The following KCTD18 variants were observed in gnomAD, a reference collection of about 807,000 sequenced individuals.
KCTD18 encodes the protein BTB/POZ domain-containing protein KCTD18.
Under a neutral mutation model 30.4 loss-of-function variants are expected in KCTD18, and 22 were observed. That is an observed-to-expected ratio of 0.72 (90% confidence interval 0.52 to 1.03). The LOEUF is 1.03. KCTD18 is among the 50% of genes least tolerant of loss of function. KCTD18 has a pLI of 0.00. For missense variants in KCTD18, 529 were observed against 547.6 expected (o/e 0.97, Z 0.34); for synonymous variants, 186 against 209.0 (o/e 0.89, Z 0.95).
chr2:200,507,784 G>A (rs865988633), intron 1 of KCTD18, among the ~76,000 whole-genome samples: 18 of 152,192 alleles, frequency 1.2e-4, no homozygotes, highest in Middle Eastern at 3.4e-3. Context: ...TCTTAAGTTA[G>A]GTAACTAAGG....
rs112320052 is a variant in KCTD18 at position 200,505,142 on chromosome 2, A to G, written c.161-183T>C. ...TAGACTTTTGGTTATTCAAACACCA[A>G]ATATGATATACCAGCAACCCTCTGC... On this transcript the variant is annotated intron_variant, in intron 2 of 6. Transcript: ENST00000359878. Among the ~76,000 whole-genome samples, 669 of 152,374 alleles carry G rather than the reference A, an allele frequency of 4.4e-3. 9 individuals carry two copies. The highest frequency in any genetic ancestry group is 0.015 in the African/African-American group (616 of 41,582).
At chr2:200,498,823 T>C in intron 4 of KCTD18, 68 bp downstream of exon 4, 1 of 1,397,696 alleles carries the variant, frequency 7.2e-7, no homozygotes, top group South Asian at 1.2e-5. Flanking sequence ...CACATTTCAT[T>C]CAGAAACACC....
intron 6 of KCTD18, among the ~76,000 whole-genome samples, chr2:200,492,848 GC>G (rs2087940283): frequency 6.6e-6 from 1 of 151,756 alleles, no homozygotes; most frequent in Non-Finnish European, 1.5e-5. Context: ...TTTTACTATT[GC>G]CAGTAAAGCC....
chr2:200,504,686 A>G, intron 3 of KCTD18, 62 bp downstream of exon 3: 1 of 1,163,832 alleles, frequency 8.6e-7, no homozygotes, highest in East Asian at 2.5e-5. Context: ...TATGCAAAAT[A>G]GTACATATTG....
At chr2:200,493,044 G>A in intron 6 of KCTD18, 128 bp downstream of exon 6, 2 of 611,482 alleles carry the variant, frequency 3.3e-6, no homozygotes, top group East Asian at 2.8e-5. Flanking sequence ...TGGTAAGACA[G>A]AATATTCAAA....
intron 3 of KCTD18, 68 bp from the exon 4 acceptor site, chr2:200,499,152 T>A (rs1165967779): frequency 3.6e-6 from 4 of 1,105,940 alleles, no homozygotes; most frequent in Non-Finnish European, 5.1e-6. Context: ...ATATGCTCCA[T>A]TACTTTCATG....
At chr2:200,490,978 A>G (rs2087907033) in intron 6 of KCTD18, among the ~76,000 whole-genome samples, 1 of 152,200 alleles carries the variant, frequency 6.6e-6, no homozygotes. Flanking sequence ...CTGCAGTTTA[A>G]AGAGATTTAG....
chr2:200,499,536 G>A (rs2088051790), intron 3 of KCTD18, among the ~76,000 whole-genome samples: 1 of 152,016 alleles, frequency 6.6e-6, no homozygotes, highest in Non-Finnish European at 1.5e-5. Flanking sequence ...TAGAAGAAAT[G>A]GATAAATTCC....
In KCTD18 at chr2:200,490,033, C is replaced by G; in HGVS notation, c.*67G>C. 6.8e-7 allele frequency: 1 copy of G among 1,475,596 alleles called. No homozygotes were observed. The highest frequency in any genetic ancestry group is 9.0e-7 in the Non-Finnish European group (1 of 1,107,062). 91.4% of individuals were successfully genotyped at this position (1,475,596 alleles called of 1,614,324 possible). On this transcript the variant is annotated 3_prime_UTR_variant, in exon 7 of 7. Coordinates refer to ENST00000359878, the MANE Select transcript of KCTD18 (RefSeq NM_152387.4). ...CCTCTGCTGCATTAAGAAAGTGTCA[C>G]TTCTTTGCGTCGAATGGGTTGAAAG... is the stretch of plus-strand genomic sequence containing the variant.
Position 200,495,117 on chromosome 2 carries a change from A to T in KCTD18, c.662-1843T>A, listed in dbSNP as rs533368992. ...ACCTGGAAAATATAGAAAAGTATAT[A>T]TAAGGGAATCAAAGTCACTCCTAAT... On this transcript the variant is annotated intron_variant, in intron 5 of 6. Coordinates refer to ENST00000359878, the MANE Select transcript of KCTD18 (RefSeq NM_152387.4). Among the ~76,000 whole-genome samples, 4 of 152,316 alleles carry T rather than the reference A, an allele frequency of 2.6e-5. No individual in the cohort carries two copies. In the South Asian group the frequency reaches 8.3e-4, roughly 32 times the overall value.
intron 3 of KCTD18, among the ~76,000 whole-genome samples, chr2:200,502,112 G>C (rs191597361): frequency 0.099 from 14,457 of 146,578 alleles, 779 homozygotes; most frequent in South Asian, 0.17. Context: ...ACAGGAAGGG[G>C]AACATCACAC....
chr2:200,493,247 T>G lies in KCTD18; in HGVS notation c.689A>C (p.Glu230Ala). ...TTCTAGAGTCCAACACTCTATCAGC[T>G]CATGAGGCACCCGCCAGTAGCTAAC... ...KGVSYWRVPH[E>A]LIECWTLEER... is the part of the protein sequence containing the mutation. The change falls in exon 6 of 7, where the codon GAG (glutamate) becomes GCG (alanine). Residue 230 changes from glutamate to alanine, a missense_variant. Glu to Ala is a moderately radical substitution (Grantham distance 107, BLOSUM62 -1). Coordinates refer to ENST00000359878, the MANE Select transcript of KCTD18 (RefSeq NM_152387.4). 1 of 1,611,268 alleles carries G rather than the reference T, an allele frequency of 6.2e-7. No homozygotes were observed. The highest frequency in any genetic ancestry group is 8.5e-7 in the Non-Finnish European group (1 of 1,178,094).
intron 1 of KCTD18, among the ~76,000 whole-genome samples, chr2:200,507,943 A>C (rs1012262207): frequency 6.6e-6 from 1 of 152,144 alleles, no homozygotes; most frequent in African/African-American, 2.4e-5. Context: ...CGAAGTGCTG[A>C]GTATACAGGC....
In KCTD18 at chr2:200,499,039, G is replaced by A. The variant is rs1019672324; in HGVS notation, c.418C>T (p.Pro140Ser). ...AGATAGTGGAGAACCCAAACTGTTG[G>A]TTTATTGCAGACTAAGCCATATGAA... ...CDSYGLVCNKPTVWVLHYLNT... is the reference protein window; with the variant it reads ...CDSYGLVCNKSTVWVLHYLNT... The change falls in exon 4 of 7, where the codon CCA becomes TCA. Residue 140 changes from proline (P) to serine (S), a missense_variant. Physicochemically the swap from Pro to Ser is moderately conservative, Grantham distance 74. Transcript: ENST00000359878. 2 of 1,613,986 alleles carry A rather than the reference G, an allele frequency of 1.2e-6. No individual in the cohort carries two copies. Among genetic ancestry groups the A allele is most frequent in the Middle Eastern group, 3.3e-4 (2 of 6,062 alleles).
In KCTD18 at chr2:200,507,871, G is replaced by A. The variant is rs200527989; in HGVS notation, c.-75-780C>T. On this transcript the variant is annotated intron_variant, in intron 1 of 6. Coordinates refer to ENST00000359878, the MANE Select transcript of KCTD18 (RefSeq NM_152387.4). ...TTTTTAAAAAATGAGACAGGGTCTCGCTGTGTTGCCCAGGCTAGTCTTGAA... is the reference window on the plus strand; with the variant it reads ...TTTTTAAAAAATGAGACAGGGTCTCACTGTGTTGCCCAGGCTAGTCTTGAA... Among the ~76,000 whole-genome samples the A allele has an allele frequency of 8.6e-5, 13 of 151,978 alleles. No homozygotes were observed. The East Asian group carries it at 1.9e-3, about 23-fold the overall frequency.
At chr2:200,501,526 A>C (rs1432641966) in intron 3 of KCTD18, among the ~76,000 whole-genome samples, 2 of 142,192 alleles carry the variant, frequency 1.4e-5, no homozygotes, top group Non-Finnish European at 3.0e-5. Context: ...GCCAAAAAAC[A>C]CATGAAAAAA....
At chr2:200,503,783 A>G (rs975957897) in intron 3 of KCTD18, among the ~76,000 whole-genome samples, 7 of 152,228 alleles carry the variant, frequency 4.6e-5, no homozygotes, top group African/African-American at 7.2e-5. Context: ...CTAAACGCTG[A>G]CATCCAAATC....
chr2:200,508,175 T>C (rs1400779511), intron 1 of KCTD18, among the ~76,000 whole-genome samples: 1 of 152,200 alleles, frequency 6.6e-6, no homozygotes, highest in Non-Finnish European at 1.5e-5. Flanking sequence ...CCATCTCGGC[T>C]CACTCCCGGG....
At position 200,497,860 on chromosome 2, in the gene KCTD18, C is replaced by T. The variant is rs1559183415; in HGVS notation, c.567-13G>A. On this transcript the variant is annotated splice_polypyrimidine_tract_variant and intron_variant, in intron 4 of 6. Transcript: ENST00000359878. ...ATTTCCCGCCTCTCTAGAAATATTG[C>T]AAAGAGTAATGAAAATATACTACCT... 2.6e-6 allele frequency: 4 copies of T among 1,560,104 alleles called. No homozygotes were observed. The highest frequency in any genetic ancestry group is 4.5e-5 in the East Asian group (2 of 44,482).
Sources: gnomAD v4.1 joint callset for allele counts (sites outside exome capture counted in the v4.1 genomes callset) on GRCh38, gnomAD v4.1.1 for gene constraint, MANE v1.5 for transcripts, NCBI Gene and HGNC (gene_info 2026-07-23, HGNC 2026-07-21) for gene names.